Variants in PHACTR1 observed in about 807,000 individuals in gnomAD.
PHACTR1 encodes the protein RPEL repeat containing 1.
A neutral mutation model predicts 69.2 loss-of-function variants in PHACTR1; 16 were observed. The ratio of observed to expected loss-of-function variants is 0.23; its 90% CI spans 0.16 to 0.35. PHACTR1 has a LOEUF of 0.35. Among genes scored for constraint, PHACTR1 ranks in the 10% least tolerant of loss-of-function variants. The pLI is 1.00. For synonymous variants in PHACTR1, 312 were observed against 284.5 expected (o/e 1.10, Z -0.97); for missense variants, 510 against 734.7 (o/e 0.69, Z 3.54).
chr6:12,765,182 C>T (rs1255437022), intron 4 of PHACTR1, among the ~76,000 whole-genome samples: 1 of 152,186 alleles, frequency 6.6e-6, no homozygotes, highest in South Asian at 2.1e-4. Flanking sequence ...GATGTGGTAT[C>T]ACCATGTTAA....
intron 4 of PHACTR1, among the ~76,000 whole-genome samples, chr6:12,912,157 C>T (rs1786487094): frequency 1.3e-5 from 2 of 152,138 alleles, no homozygotes; most frequent in African/African-American, 4.8e-5. Flanking sequence ...ACCACCATGC[C>T]TGGCTAATTT....
At position 12,799,604 on chromosome 6, in the gene PHACTR1, G is replaced by A. The variant is rs1409480719; in HGVS notation, c.250+49814G>A. ...CAAGAGACCAGTGAGAAGGGCACCT[G>A]CCTCACCTAACCCAGCCACCATTGC... is the stretch of plus-strand genomic sequence containing the variant. On this transcript the variant is annotated intron_variant, in intron 4 of 14. Coordinates refer to ENST00000332995, the MANE Select transcript of PHACTR1 (RefSeq NM_030948.6). 3.9e-5 allele frequency among the ~76,000 whole-genome samples: 6 copies of A among 152,128 alleles called. No homozygotes were observed. In the East Asian group the frequency reaches 1.2e-3, roughly 29 times the overall value.
intron 5 of PHACTR1, among the ~76,000 whole-genome samples, chr6:13,057,540 T>C (rs552297486): frequency 2.6e-5 from 4 of 152,296 alleles, no homozygotes; most frequent in Admixed American, 1.3e-4. Flanking sequence ...TAATTTGCCA[T>C]GATTAGGTAT....
At position 13,227,838 on chromosome 6, in the gene PHACTR1, T is replaced by A; in HGVS notation, c.1009T>A (p.Ser337Thr). 1 of 1,614,002 alleles carries A rather than the reference T, an allele frequency of 6.2e-7. No homozygotes were observed. Among genetic ancestry groups the A allele is most frequent in the Non-Finnish European group, 8.5e-7 (1 of 1,179,846 alleles). ...CAGCTCTGAGCAGCGGGTCCCCTGTTCCACTTCTTACCACAGCTCTGGGTT... is the reference window on the plus strand; with the variant it reads ...CAGCTCTGAGCAGCGGGTCCCCTGTACCACTTCTTACCACAGCTCTGGGTT... ...LESSEQRVPCSTSYHSSGLHS... is the reference protein window; with the variant it reads ...LESSEQRVPCTTSYHSSGLHS... The change falls in exon 9 of 15, where the codon TCC becomes ACC. Residue 337 changes from serine to threonine, a missense_variant. Ser to Thr is a moderately conservative substitution (Grantham distance 58). Around this residue, in one of 2 missense-constraint regions of PHACTR1, gnomAD observed 419 missense variants for 530.9 expected, o/e 0.79. Coordinates refer to ENST00000332995, the MANE Select transcript of PHACTR1 (RefSeq NM_030948.6).
intron 4 of PHACTR1, among the ~76,000 whole-genome samples, chr6:12,815,117 A>AC (rs1161298708): frequency 6.6e-6 from 1 of 152,038 alleles, no homozygotes; most frequent in Non-Finnish European, 1.5e-5. Context: ...ATGTAGAAAC[A>AC]CCCCCATGCC....
At chr6:13,016,191 C>T (rs543055140) in intron 4 of PHACTR1, among the ~76,000 whole-genome samples, 1 of 152,348 alleles carries the variant, frequency 6.6e-6, no homozygotes, top group Admixed American at 6.5e-5. Flanking sequence ...GCCAGGAGCA[C>T]CAGCTATTTT....
In PHACTR1 at chr6:13,024,094, C is replaced by G. The variant is rs146931015; in HGVS notation, c.251-29271C>G. ...TCTGTCTCAAAGAAAAAAAAAAAAACGGGAATAACAGCCTACCAGACTCAG... is the reference window on the plus strand; with the variant it reads ...TCTGTCTCAAAGAAAAAAAAAAAAAGGGGAATAACAGCCTACCAGACTCAG... On this transcript the variant is annotated intron_variant, in intron 4 of 14. Transcript: ENST00000332995. Among the ~76,000 whole-genome samples, 709 of 148,852 alleles carry G rather than the reference C, an allele frequency of 4.8e-3. 4 individuals carry two copies. Among genetic ancestry groups the G allele is most frequent in the African/African-American group, 0.017 (668 of 39,502 alleles).
At chr6:12,981,489 TCA>T (rs1457582582) in intron 4 of PHACTR1, among the ~76,000 whole-genome samples, 1 of 152,236 alleles carries the variant, frequency 6.6e-6, no homozygotes, top group Non-Finnish European at 1.5e-5. Flanking sequence ...TGAGAAAATC[TCA>T]CATTGGAAAG....
Position 13,205,891 on chromosome 6 carries a change from C to A in PHACTR1, c.741C>A (p.Ile247=), listed in dbSNP as rs17602409. 2.2e-5 allele frequency: 36 copies of A among 1,613,116 alleles called. No individual in the cohort carries two copies. Among genetic ancestry groups the A allele is most frequent in the Non-Finnish European group, 3.0e-5 (35 of 1,179,240 alleles). ...SPPLPPKKVM[I]CMPVGGPDLS... Reference sequence around the variant, plus strand: ...CGCTACCTCCAAAGAAAGTCATGATCTGTATGCCCGTGGGGGGGCCAGACC... The same window carrying A: ...CGCTACCTCCAAAGAAAGTCATGATATGTATGCCCGTGGGGGGGCCAGACC... The change falls in exon 8 of 15, where the codon ATC becomes ATA. Residue 247 remains isoleucine, a synonymous_variant. Coordinates refer to ENST00000332995, the MANE Select transcript of PHACTR1 (RefSeq NM_030948.6).
At chr6:12,806,607 C>T (rs762171054) in intron 4 of PHACTR1, among the ~76,000 whole-genome samples, 9 of 152,108 alleles carry the variant, frequency 5.9e-5, no homozygotes, top group Non-Finnish European at 1.2e-4. Flanking sequence ...TCAGCCACCT[C>T]GCCCAGCTAT....
intron 4 of PHACTR1, among the ~76,000 whole-genome samples, chr6:12,896,317 A>C (rs1255248320): frequency 6.6e-6 from 1 of 152,264 alleles, no homozygotes; most frequent in African/African-American, 2.4e-5. Context: ...TGGGAACTGC[A>C]TACACGTGCT....
chr6:13,092,952 A>G (rs2127833681), intron 5 of PHACTR1, among the ~76,000 whole-genome samples: 1 of 152,354 alleles, frequency 6.6e-6, no homozygotes, highest in Middle Eastern at 3.4e-3. Context: ...GAAAATAGGC[A>G]TCTAGAGGAG....
At chr6:13,003,669 T>C (rs1237894991) in intron 4 of PHACTR1, among the ~76,000 whole-genome samples, 1 of 151,964 alleles carries the variant, frequency 6.6e-6, no homozygotes. Context: ...AGCCTGGCCT[T>C]TGAGTGTAGC....
At chr6:13,088,306 C>A (rs944085145) in intron 5 of PHACTR1, among the ~76,000 whole-genome samples, 1 of 147,454 alleles carries the variant, frequency 6.8e-6, no homozygotes, top group East Asian at 2.0e-4. Flanking sequence ...CCCCCCACCA[C>A]GCCCCACTAC....
At chr6:13,237,576 G>A (rs190280472) in intron 10 of PHACTR1, among the ~76,000 whole-genome samples, 341 of 152,300 alleles carry the variant, frequency 2.2e-3, no homozygotes, top group Non-Finnish European at 4.2e-3. Context: ...TAGGTATGTT[G>A]TAAATGTAAA....
intron 4 of PHACTR1, among the ~76,000 whole-genome samples, chr6:12,754,585 A>C (rs373669478): frequency 4.6e-4 from 70 of 152,266 alleles, no homozygotes; most frequent in African/African-American, 1.6e-3. Context: ...AGCTAACCTG[A>C]TAATCTCATT....
intron 4 of PHACTR1, among the ~76,000 whole-genome samples, chr6:12,992,210 A>G (rs1370181639): frequency 6.6e-6 from 1 of 152,172 alleles, no homozygotes; most frequent in Non-Finnish European, 1.5e-5. Flanking sequence ...CTCCTCTTAC[A>G]CTGTAAATAA....
chr6:12,939,936 A>G (rs1019119269), intron 4 of PHACTR1, among the ~76,000 whole-genome samples: 3 of 152,184 alleles, frequency 2.0e-5, no homozygotes, highest in African/African-American at 7.2e-5. Flanking sequence ...ACAATTTGTG[A>G]TCAAATCCCA....
chr6:13,055,457 A>C (rs947328733), intron 5 of PHACTR1, among the ~76,000 whole-genome samples: 2 of 152,254 alleles, frequency 1.3e-5, no homozygotes, highest in Non-Finnish European at 2.9e-5. Flanking sequence ...TATATTCTTT[A>C]AGCAAAGTAA....
Sources: gnomAD v4.1 joint callset for allele counts (sites outside exome capture counted in the v4.1 genomes callset) on GRCh38, gnomAD v4.1.1 for gene constraint, gnomAD v4.1.1 regional missense constraint, MANE v1.5 for transcripts, NCBI Gene and HGNC (gene_info 2026-07-23, HGNC 2026-07-21) for gene names.